The following ZFP64 variants were observed in gnomAD, a reference collection of about 807,000 sequenced individuals.
ZFP64 encodes the protein ZFP64 zinc finger protein.
A neutral mutation model predicts 51.6 loss-of-function variants in ZFP64; 14 were observed. The ratio of observed to expected loss-of-function variants is 0.27; its 90% CI spans 0.18 to 0.42. The LOEUF (loss-of-function observed/expected upper bound fraction) is 0.42, where lower values mean the gene tolerates loss of function less well. Ranked by LOEUF, ZFP64 falls within the 10% of genes least tolerant of loss-of-function variation. The pLI is 1.00. For synonymous variants in ZFP64, 375 were observed against 361.4 expected (o/e 1.04, Z -0.43); for missense variants, 754 against 906.8 (o/e 0.83, Z 2.16).
In ZFP64 at chr20:52,151,730, G is replaced by A. The variant is rs1419395430; in HGVS notation, c.*416C>T. On this transcript the variant is annotated 3_prime_UTR_variant, in exon 6 of 6. Coordinates refer to ENST00000216923, the MANE Select transcript of ZFP64 (RefSeq NM_018197.3). Reference sequence around the variant, plus strand: ...ATTACAATTTATTATGGGGCCAGGGGGATTCACAACCATCCTTAAAAACAT... The same window carrying A: ...ATTACAATTTATTATGGGGCCAGGGAGATTCACAACCATCCTTAAAAACAT... 13 of 1,009,618 alleles carry A rather than the reference G, an allele frequency of 1.3e-5. No individual in the cohort carries two copies. Among genetic ancestry groups the A allele is most frequent in the Non-Finnish European group, 1.4e-5 (12 of 843,888 alleles). 62.5% of individuals were successfully genotyped at this position (1,009,618 alleles called of 1,614,324 possible).
intron 2 of ZFP64, among the ~76,000 whole-genome samples, chr20:52,182,251 C>T (rs60933932): frequency 0.079 from 11,973 of 152,264 alleles, 540 homozygotes; most frequent in Non-Finnish European, 0.1. Context: ...CAGTCTATCT[C>T]TGAGCTTGTG....
At chr20:52,095,198 C>T (rs1196198117) in intron 7 of ZFP64, among the ~76,000 whole-genome samples, 1 of 152,244 alleles carries the variant, frequency 6.6e-6, no homozygotes, top group African/African-American at 2.4e-5. Context: ...GCTGGGCACA[C>T]AACCGCACAG....
chr20:52,140,414 T>C (rs1980198576), intron 5 of ZFP64, among the ~76,000 whole-genome samples: 3 of 152,240 alleles, frequency 2.0e-5, no homozygotes, highest in Admixed American at 1.3e-4. Context: ...AAAAGTGCTA[T>C]TCCAGTGAAC....
chr20:52,100,428 T>C lies in ZFP64; in HGVS notation c.764-1841A>G, dbSNP rs1430510364. The stretch of plus-strand genomic sequence containing the variant: ...GCCTGCCTAATTTTTGTATTTTTAG[T>C]AGAGACAGGGTTTCACCATGTTGGC... On this transcript the variant is annotated intron_variant, in intron 5 of 8. Coordinates refer to the ZFP64 transcript ENST00000361387. Among the ~76,000 whole-genome samples, 3 of 152,202 alleles carry C rather than the reference T, an allele frequency of 2.0e-5. No individual in the cohort carries two copies. The East Asian group carries it at 5.8e-4, about 29-fold the overall frequency.
intron 2 of ZFP64, among the ~76,000 whole-genome samples, chr20:52,166,346 G>A (rs1982273111): frequency 6.6e-6 from 1 of 152,278 alleles, no homozygotes; most frequent in Admixed American, 6.5e-5. Context: ...GTATATGCTG[G>A]AGTGATGATG....
At chr20:52,106,228 GGACCTCGATGA>G (rs1483418560) in intron 5 of ZFP64, among the ~76,000 whole-genome samples, 1 of 152,186 alleles carries the variant, frequency 6.6e-6, no homozygotes, top group Non-Finnish European at 1.5e-5. Flanking sequence ...AGACTGGCTG[GGACCTCGATGA>G]GACCCGAGGG....
intron 5 of ZFP64, among the ~76,000 whole-genome samples, chr20:52,118,042 C>T (rs1978973089): frequency 6.6e-6 from 1 of 152,128 alleles, no homozygotes; most frequent in South Asian, 2.1e-4. Context: ...AAGCAATCCT[C>T]CTGCCCAGAT....
intron 5 of ZFP64, among the ~76,000 whole-genome samples, chr20:52,154,073 G>A (rs1981110049): frequency 6.6e-6 from 1 of 152,082 alleles, no homozygotes; most frequent in Non-Finnish European, 1.5e-5. Flanking sequence ...GATGAGCAAG[G>A]CAAGTGAAAT....
chr20:52,110,621 T>A, intron 5 of ZFP64: 9 of 950,842 alleles, frequency 9.5e-6, no homozygotes, highest in South Asian at 1.6e-5. Flanking sequence ...GAGGCCCTGA[T>A]GAACTCCTGG....
chr20:52,115,707 A>G (rs996709253), intron 5 of ZFP64, among the ~76,000 whole-genome samples: 1 of 151,854 alleles, frequency 6.6e-6, no homozygotes, highest in African/African-American at 2.4e-5. Flanking sequence ...GAGACATAGC[A>G]CCCAGCCTGT....
chr20:52,164,795 CTT>C (rs1568690720), intron 3 of ZFP64, 38 bp from the exon 4 acceptor site: 1 of 1,578,264 alleles, frequency 6.3e-7, no homozygotes, highest in Non-Finnish European at 8.7e-7. Flanking sequence ...CAAAGGAAAA[CTT>C]AGTAACTTTT....
intron 8 of ZFP64, chr20:52,088,174 A>T: frequency 1.5e-6 from 1 of 682,398 alleles, no homozygotes; most frequent in Non-Finnish European, 2.4e-6. Context: ...GCTGGATTCT[A>T]TATAGTCAAG....
chr20:52,142,377 GACACACACACACACACACAC>G (rs142317072), intron 5 of ZFP64, among the ~76,000 whole-genome samples: 7 of 118,370 alleles, frequency 5.9e-5, no homozygotes, highest in African/African-American at 2.0e-4. Context: ...CACACACACA[GACACACACACACACACACAC>G]ACACACACAC....
At chr20:52,086,714 G>A (rs985426147) in intron 8 of ZFP64, among the ~76,000 whole-genome samples, 14 of 152,092 alleles carry the variant, frequency 9.2e-5, no homozygotes, top group Non-Finnish European at 1.5e-4. Context: ...TCCTGACCTC[G>A]TGATCTGCCT....
chr20:52,104,763 C>CG (rs745525418), intron 5 of ZFP64: 3 of 549,836 alleles, frequency 5.5e-6, no homozygotes, highest in South Asian at 4.5e-5. Flanking sequence ...CAAGAAGCCA[C>CG]CTTCCAGGCG....
At chr20:52,187,881 G>A (rs1435931746) in intron 1 of ZFP64, among the ~76,000 whole-genome samples, 2 of 152,072 alleles carry the variant, frequency 1.3e-5, no homozygotes, top group East Asian at 3.9e-4. Context: ...CCAACTAAAA[G>A]GTAATTGTGA....
At chr20:52,167,639 T>A (rs977536071) in intron 2 of ZFP64, among the ~76,000 whole-genome samples, 1 of 151,848 alleles carries the variant, frequency 6.6e-6, no homozygotes, top group East Asian at 1.9e-4. Flanking sequence ...CATATGAAGA[T>A]TGGGTTTCAA....
intron 2 of ZFP64, among the ~76,000 whole-genome samples, chr20:52,170,899 C>A (rs1982664260): frequency 6.6e-6 from 1 of 151,936 alleles, no homozygotes; most frequent in Non-Finnish European, 1.5e-5. Flanking sequence ...ATATAGTGTG[C>A]AAATCAAGTG....
Position 52,084,784 on chromosome 20 carries a change from C to A in ZFP64, c.1711G>T (p.Val571Leu), listed in dbSNP as rs61734610. The A allele has an allele frequency of 1.4e-5, 23 of 1,614,080 alleles. No individual in the cohort carries two copies. In the Admixed American group the frequency reaches 3.2e-4, roughly 22 times the overall value. ...GCCCTCTGCGTCACGATCTTGGCCA[C>A]GTGCTGGGAGCTGCCCTCTCTGAGC... The change falls in exon 9 of 9, where the codon GTG becomes TTG. Residue 571 changes from valine (V) to leucine (L), a missense_variant. By Grantham distance (32) the Val-to-Leu change is conservative. Coordinates refer to the ZFP64 transcript ENST00000361387.
Sources: gnomAD v4.1 joint callset for allele counts (sites outside exome capture counted in the v4.1 genomes callset) on GRCh38, gnomAD v4.1.1 for gene constraint, MANE v1.5 for transcripts, NCBI Gene and HGNC (gene_info 2026-07-23, HGNC 2026-07-21) for gene names.